The following ZNF804B variants were observed in gnomAD, a reference collection of about 807,000 sequenced individuals.
The protein encoded by ZNF804B is zinc finger 804B.
A neutral mutation model predicts 101.4 loss-of-function variants in ZNF804B; 80 were observed. That is an observed-to-expected ratio of 0.79 (90% confidence interval 0.66 to 0.95). ZNF804B has a LOEUF of 0.95. ZNF804B is among the 40% of genes least tolerant of loss of function. The pLI, the probability that ZNF804B is intolerant of heterozygous loss-of-function variation, is 0.00. For synonymous variants in ZNF804B, 622 were observed against 558.8 expected, an observed-to-expected ratio of 1.11 and a Z score of -1.59; for missense variants, 1,673 against 1,561.9, an observed-to-expected ratio of 1.07 and a Z score of -1.20.
intron 1 of ZNF804B, among the ~76,000 whole-genome samples, chr7:88,817,214 C>T (rs1161173336): frequency 6.6e-6 from 1 of 152,024 alleles, no homozygotes; most frequent in East Asian, 1.9e-4. Flanking sequence ...GGGAACATCA[C>T]ACAGTGGGGC....
At chr7:88,875,845 G>A (rs1165475825) in intron 1 of ZNF804B, among the ~76,000 whole-genome samples, 1 of 152,180 alleles carries the variant, frequency 6.6e-6, no homozygotes, top group Non-Finnish European at 1.5e-5. Context: ...AAGCTGGGCA[G>A]AGACACAACC....
intron 1 of ZNF804B, among the ~76,000 whole-genome samples, chr7:89,170,655 A>G (rs1285818535): frequency 6.6e-6 from 1 of 152,058 alleles, no homozygotes; most frequent in Non-Finnish European, 1.5e-5. Context: ...GTTGCCTTTT[A>G]TGTGCTTGTT....
chr7:88,985,051 G>A (rs1387069108), intron 1 of ZNF804B, among the ~76,000 whole-genome samples: 2 of 151,996 alleles, frequency 1.3e-5, no homozygotes, highest in Non-Finnish European at 2.9e-5. Flanking sequence ...GACTGTTCAA[G>A]AGGAATATCT....
At chr7:89,218,518 G>A (rs1176986752) in intron 2 of ZNF804B, among the ~76,000 whole-genome samples, 3 of 152,102 alleles carry the variant, frequency 2.0e-5, no homozygotes, top group Non-Finnish European at 2.9e-5. Context: ...GATAATCTGA[G>A]AGTAGACTGA....
At chr7:88,781,336 A>G (rs930666672) in intron 1 of ZNF804B, among the ~76,000 whole-genome samples, 4 of 152,218 alleles carry the variant, frequency 2.6e-5, no homozygotes, top group East Asian at 3.9e-4. Context: ...TAAGAGCAGC[A>G]GCAGAAGCCT....
At chr7:89,031,216 T>C (rs1271100934) in intron 1 of ZNF804B, among the ~76,000 whole-genome samples, 1 of 151,148 alleles carries the variant, frequency 6.6e-6, no homozygotes, top group Non-Finnish European at 1.5e-5. Context: ...TGTGTGTATA[T>C]ATATATATAT....
chr7:89,043,585 T>C (rs1789053181), intron 1 of ZNF804B, among the ~76,000 whole-genome samples: 1 of 152,216 alleles, frequency 6.6e-6, no homozygotes, highest in Admixed American at 6.5e-5. Context: ...TGATGCTCAC[T>C]GAAAGCCATT....
At chr7:89,177,922 G>C (rs975211649) in intron 1 of ZNF804B, among the ~76,000 whole-genome samples, 1 of 147,120 alleles carries the variant, frequency 6.8e-6, no homozygotes, top group Non-Finnish European at 1.5e-5. Context: ...GTGACAGAGC[G>C]AGACTCTGTC....
chr7:88,990,178 A>G (rs543961322), intron 1 of ZNF804B, among the ~76,000 whole-genome samples: 2 of 152,084 alleles, frequency 1.3e-5, no homozygotes, highest in South Asian at 4.1e-4. Context: ...ATATTTTTCA[A>G]TGTAATAAAA....
intron 1 of ZNF804B, among the ~76,000 whole-genome samples, chr7:88,988,960 G>A (rs1487865937): frequency 1.3e-5 from 2 of 152,028 alleles, no homozygotes; most frequent in Non-Finnish European, 2.9e-5. Flanking sequence ...GCAAAATACT[G>A]ATGCCCAGAT....
intron 1 of ZNF804B, among the ~76,000 whole-genome samples, chr7:89,140,160 T>C (rs1482580688): frequency 1.3e-5 from 2 of 152,058 alleles, no homozygotes; most frequent in Non-Finnish European, 2.9e-5. Context: ...TAAATCTTTT[T>C]TCTGAGTAGA....
intron 1 of ZNF804B, among the ~76,000 whole-genome samples, chr7:88,988,122 G>C (rs1171587615): frequency 6.6e-6 from 1 of 151,680 alleles, no homozygotes; most frequent in Non-Finnish European, 1.5e-5. Flanking sequence ...ATGTCCTCCA[G>C]TTCCATCCAT....
chr7:89,309,504 G>A (rs140703890), intron 2 of ZNF804B, among the ~76,000 whole-genome samples: 192 of 152,146 alleles, frequency 1.3e-3, no homozygotes, highest in African/African-American at 4.4e-3. Flanking sequence ...GCTCATGCCT[G>A]TAATCCCAGC....
chr7:89,284,322 T>G (rs906045174), intron 2 of ZNF804B, among the ~76,000 whole-genome samples: 35 of 152,214 alleles, frequency 2.3e-4, no homozygotes, highest in African/African-American at 7.7e-4. Context: ...ATCTCTCAGT[T>G]CTCACATATT....
intron 1 of ZNF804B, among the ~76,000 whole-genome samples, chr7:88,879,101 C>A (rs1365678571): frequency 6.6e-6 from 1 of 152,146 alleles, no homozygotes; most frequent in African/African-American, 2.4e-5. Context: ...TGGTTTGAAA[C>A]AGGATTTAAG....
chr7:88,958,227 T>A (rs1793340454), intron 1 of ZNF804B, among the ~76,000 whole-genome samples: 1 of 151,450 alleles, frequency 6.6e-6, no homozygotes, highest in Non-Finnish European at 1.5e-5. Flanking sequence ...TGTATGTTTT[T>A]ATTTCTCTCA....
intron 1 of ZNF804B, among the ~76,000 whole-genome samples, chr7:88,945,513 T>C (rs566646006): frequency 6.6e-6 from 1 of 152,134 alleles, no homozygotes; most frequent in African/African-American, 2.4e-5. Flanking sequence ...TACTTTGAAG[T>C]CAGGTAGCAT....
At chr7:88,910,057 A>G (rs1340863583) in intron 1 of ZNF804B, among the ~76,000 whole-genome samples, 1 of 151,872 alleles carries the variant, frequency 6.6e-6, no homozygotes, top group Non-Finnish European at 1.5e-5. Context: ...ATACATTATA[A>G]CTATTATAAA....
chr7:89,074,721 G>T (rs1789590321), intron 1 of ZNF804B, among the ~76,000 whole-genome samples: 1 of 152,184 alleles, frequency 6.6e-6, no homozygotes, highest in African/African-American at 2.4e-5. Context: ...CTTTGGAACT[G>T]GGTAACAGGC....
Sources: allele counts gnomAD v4.1 joint callset (sites outside exome capture counted in the v4.1 genomes callset), GRCh38; gene constraint gnomAD v4.1.1; transcripts MANE v1.5; gene names NCBI Gene and HGNC (gene_info 2026-07-23, HGNC 2026-07-21).